Variants in MED27 observed in about 807,000 individuals in gnomAD.
MED27 encodes the protein mediator complex subunit 27.
A neutral mutation model predicts 38.2 loss-of-function variants in MED27; 30 were observed. That is an observed-to-expected ratio of 0.79 (90% confidence interval 0.59 to 1.07). The LOEUF is 1.07. MED27 is among the 50% of genes least tolerant of loss of function. The probability of loss-of-function intolerance (pLI) is 0.00; values close to 1 mark genes in which losing one functional copy is unlikely to be tolerated. For synonymous variants in MED27, 122 were observed against 153.5 expected (o/e 0.79, Z 1.52); for missense variants, 289 against 397.5 (o/e 0.73, Z 2.32).
rs1233382173 is a variant in MED27 at position 132,051,610 on chromosome 9, G to A, written c.348+25832C>T. Among the ~76,000 whole-genome samples, 1 of 152,224 alleles carries A rather than the reference G, an allele frequency of 6.6e-6. No homozygotes were observed. The highest frequency in any genetic ancestry group is 1.5e-5 in the Non-Finnish European group (1 of 68,034). ...GGTTCCTTCCAGCCTCCAGATCTGT[G>A]TTGTCCAACATAGTGGCCACTGGCT... is the stretch of plus-strand genomic sequence containing the variant. On this transcript the variant is annotated intron_variant, in intron 2 of 7. Coordinates refer to ENST00000292035, the MANE Select transcript of MED27 (RefSeq NM_004269.4). This position sits in a 1 kb window ranked among gnomAD's most constrained non-coding sequence, Gnocchi z 4.2.
chr9:131,943,687 C>A (rs543420697), intron 3 of MED27, among the ~76,000 whole-genome samples: 25 of 152,292 alleles, frequency 1.6e-4, no homozygotes, highest in African/African-American at 4.6e-4. Flanking sequence ...TAATTTAGTG[C>A]CAAATTGAGC....
chr9:131,993,242 T>TA (rs1564315975), intron 3 of MED27, among the ~76,000 whole-genome samples: 11 of 132,268 alleles, frequency 8.3e-5, no homozygotes, highest in African/African-American at 2.4e-4. Context: ...TTTTTTTTTT[T>TA]TAAAAAATTC....
chr9:131,969,699 C>T (rs997962187), intron 3 of MED27, among the ~76,000 whole-genome samples: 1 of 152,110 alleles, frequency 6.6e-6, no homozygotes, highest in African/African-American at 2.4e-5. Flanking sequence ...ATGTGCGCCA[C>T]ACACAGAGCT....
Position 131,883,378 on chromosome 9 carries a change from G to C in MED27, c.723+680C>G, listed in dbSNP as rs1465569035. Reference sequence around the variant, plus strand: ...GGGGACAGAATCCTCATCAGCCACAGGGCCTGAGTTAGTCCAGGGAAGGGG... The same window carrying C: ...GGGGACAGAATCCTCATCAGCCACACGGCCTGAGTTAGTCCAGGGAAGGGG... On this transcript the variant is annotated intron_variant, in intron 6 of 7. Coordinates refer to ENST00000292035, the MANE Select transcript of MED27 (RefSeq NM_004269.4). This position sits in a 1 kb window ranked among gnomAD's most constrained non-coding sequence, Gnocchi z 4.2. Among the ~76,000 whole-genome samples, 1 of 152,208 alleles carries C rather than the reference G, an allele frequency of 6.6e-6. No homozygotes were observed. The highest frequency in any genetic ancestry group is 1.5e-5 in the Non-Finnish European group (1 of 68,028).
chr9:132,060,881 G>A (rs151200034), intron 2 of MED27, among the ~76,000 whole-genome samples: 137 of 152,258 alleles, frequency 9.0e-4, no homozygotes, highest in Admixed American at 2.2e-3. Context: ...CCCACAAAGC[G>A]GAGGTTGCAG....
rs1205035272 is a variant in MED27 at position 131,913,353 on chromosome 9, G to A, written c.574-19361C>T. On this transcript the variant is annotated intron_variant, in intron 4 of 7. Coordinates refer to ENST00000292035, the MANE Select transcript of MED27 (RefSeq NM_004269.4). The surrounding 1 kb of genome is among the most constrained non-coding windows in gnomAD (Gnocchi z 4.5). ...TACCACTTAATGTGACCTTGAACAA[G>A]TTATTGAACCTTCTGAGTCTCAGTG... Among the ~76,000 whole-genome samples the A allele has an allele frequency of 2.6e-5, 4 of 152,182 alleles. No homozygotes were observed. Among genetic ancestry groups the A allele is most frequent in the African/African-American group, 7.2e-5 (3 of 41,446 alleles).
intron 4 of MED27, among the ~76,000 whole-genome samples, chr9:131,920,610 T>C (rs1209214582): frequency 1.3e-5 from 2 of 152,098 alleles, no homozygotes; most frequent in African/African-American, 2.4e-5. Flanking sequence ...CATTAGAAAG[T>C]GATAAGTACA....
intron 4 of MED27, among the ~76,000 whole-genome samples, chr9:131,903,788 CA>C (rs1829998218): frequency 6.6e-6 from 1 of 152,116 alleles, no homozygotes; most frequent in South Asian, 2.1e-4. Flanking sequence ...AGTGCAGTAG[CA>C]TGATCTCAGC....
intron 3 of MED27, among the ~76,000 whole-genome samples, chr9:131,992,175 A>T (rs1831990568): frequency 6.6e-6 from 1 of 152,148 alleles, no homozygotes; most frequent in African/African-American, 2.4e-5. Flanking sequence ...GAAATATGAG[A>T]GTGTGTGTAC....
intron 2 of MED27, among the ~76,000 whole-genome samples, chr9:132,049,258 T>C (rs1329198776): frequency 6.6e-6 from 1 of 152,180 alleles, no homozygotes; most frequent in Non-Finnish European, 1.5e-5. Flanking sequence ...AGGTCGGTCT[T>C]GGCTTCTGGA....
chr9:131,938,454 C>A (rs551734045), intron 4 of MED27, among the ~76,000 whole-genome samples: 2 of 152,308 alleles, frequency 1.3e-5, no homozygotes, highest in Admixed American at 6.5e-5. Flanking sequence ...ACACAGACCA[C>A]TAGAAAAGCT....
intron 2 of MED27, among the ~76,000 whole-genome samples, chr9:132,014,764 T>C (rs1003745104): frequency 6.6e-6 from 1 of 152,176 alleles, no homozygotes; most frequent in Non-Finnish European, 1.5e-5. Flanking sequence ...AGAAAGAACT[T>C]CACAACACCA....
In MED27 at chr9:131,917,804, G is replaced by A. The variant is rs978949403; in HGVS notation, c.573+21577C>T. Among the ~76,000 whole-genome samples, 3 of 152,166 alleles carry A rather than the reference G, an allele frequency of 2.0e-5. No individual in the cohort carries two copies. The highest frequency in any genetic ancestry group is 7.2e-5 in the African/African-American group (3 of 41,444). On this transcript the variant is annotated intron_variant, in intron 4 of 7. Coordinates refer to ENST00000292035, the MANE Select transcript of MED27 (RefSeq NM_004269.4). This position sits in a 1 kb window ranked among gnomAD's most constrained non-coding sequence, Gnocchi z 4.6. ...GGGATCCAAAGGGTGTAGGATAAGC[G>A]TAAGACAAGTAGTCTGGCCTGAAAA...
intron 4 of MED27, among the ~76,000 whole-genome samples, chr9:131,912,288 T>C (rs186119330): frequency 1.1e-3 from 161 of 152,354 alleles, no homozygotes; most frequent in Non-Finnish European, 1.2e-3. Context: ...CTAAGGAAAG[T>C]GCTTAGCTTT....
In MED27 at chr9:131,913,641, C is replaced by G. The variant is rs1405620062; in HGVS notation, c.574-19649G>C. Among the ~76,000 whole-genome samples the G allele has an allele frequency of 6.6e-6, 1 of 152,178 alleles. No homozygotes were observed. The highest frequency in any genetic ancestry group is 1.5e-5 in the Non-Finnish European group (1 of 68,020). ...GCTTACCACAGTTGCATCCCTCCCT[C>G]AATGGTCCAGTCATGAAGTCTCTCC... On this transcript the variant is annotated intron_variant, in intron 4 of 7. Transcript: ENST00000292035. This position sits in a 1 kb window ranked among gnomAD's most constrained non-coding sequence, Gnocchi z 4.5.
At chr9:131,871,615 T>TCA (rs1343444877) in intron 6 of MED27, among the ~76,000 whole-genome samples, 3 of 152,168 alleles carry the variant, frequency 2.0e-5, no homozygotes, top group African/African-American at 7.2e-5. Flanking sequence ...GGTGGTCTGA[T>TCA]CACAGCACAC....
chr9:131,901,159 C>G (rs563637458), intron 4 of MED27, among the ~76,000 whole-genome samples: 1 of 151,932 alleles, frequency 6.6e-6, no homozygotes, highest in Non-Finnish European at 1.5e-5. Flanking sequence ...GGCGGGCACA[C>G]CCAAAGGAGA....
chr9:131,864,109 A>C (rs996803670), intron 6 of MED27, among the ~76,000 whole-genome samples: 1 of 152,172 alleles, frequency 6.6e-6, no homozygotes, highest in African/African-American at 2.4e-5. Context: ...ATTATACCTA[A>C]TTTGATAGTT....
intron 3 of MED27, among the ~76,000 whole-genome samples, chr9:131,968,801 C>T (rs554001094): frequency 2.6e-5 from 4 of 152,162 alleles, no homozygotes; most frequent in Admixed American, 6.5e-5. Context: ...GAGTGGTGGG[C>T]GAGCGAGCAA....
Sources: allele counts gnomAD v4.1 joint callset (sites outside exome capture counted in the v4.1 genomes callset), GRCh38; gene constraint gnomAD v4.1.1; non-coding constraint Gnocchi (gnomAD v3.1); transcripts MANE v1.5; gene names NCBI Gene and HGNC (gene_info 2026-07-23, HGNC 2026-07-21).